The following ATRNL1 variants were observed in gnomAD, a reference collection of about 807,000 sequenced individuals.
ATRNL1 encodes the protein attractin like 1, also known as attractin-like protein 1.
ATRNL1 carries 95 observed loss-of-function variants against 182.7 expected under a neutral mutation model. That is an observed-to-expected ratio of 0.52 (90% confidence interval 0.44 to 0.62). The LOEUF is 0.62. Ranked by LOEUF, ATRNL1 falls within the 20% of genes least tolerant of loss-of-function variation. ATRNL1 has a pLI of 0.00. For synonymous variants in ATRNL1, 576 were observed against 568.3 expected, an observed-to-expected ratio of 1.01 and a Z score of -0.19; for missense variants, 1,471 against 1,679.5, an observed-to-expected ratio of 0.88 and a Z score of 2.17.
intron 26 of ATRNL1, among the ~76,000 whole-genome samples, chr10:115,554,369 CT>C (rs1429469791): frequency 1.3e-5 from 2 of 151,534 alleles, no homozygotes; most frequent in African/African-American, 4.8e-5. Context: ...CATAAATTTA[CT>C]TTAAAATAAC....
At chr10:115,108,988 G>A (rs1844142830) in intron 1 of ATRNL1, among the ~76,000 whole-genome samples, 2 of 152,012 alleles carry the variant, frequency 1.3e-5, no homozygotes, top group South Asian at 4.2e-4. Context: ...CCTCCTTTCT[G>A]TCTGAGATCT....
intron 21 of ATRNL1, among the ~76,000 whole-genome samples, chr10:115,445,140 ACTTGGCTG>A: frequency 6.6e-6 from 1 of 151,736 alleles, no homozygotes; most frequent in Non-Finnish European, 1.5e-5. Flanking sequence ...GCTTAAGAGC[ACTTGGCTG>A]CTGGGCAAAA....
chr10:115,775,722 C>G (rs1555077707), intron 27 of ATRNL1, among the ~76,000 whole-genome samples: 1 of 151,790 alleles, frequency 6.6e-6, no homozygotes, highest in African/African-American at 2.4e-5. Context: ...TTTGGGAGGC[C>G]AAGGCAGGCT....
intron 5 of ATRNL1, among the ~76,000 whole-genome samples, chr10:115,147,126 T>G (rs1268911211): frequency 6.6e-6 from 1 of 152,126 alleles, no homozygotes; most frequent in African/African-American, 2.4e-5. Flanking sequence ...TGTGTATCCT[T>G]GCCAGCATCT....
In ATRNL1 at chr10:115,334,263, T is replaced by A. The variant is rs1398562232; in HGVS notation, c.3038-19T>A. ...ATATTATGTTAGATATTTGTAATGC[T>A]TTTTACTGTTTCCTTTAGCTTGCCA... On this transcript the variant is annotated intron_variant, in intron 18 of 28. Transcript: ENST00000355044. 1 of 1,447,962 alleles carries A rather than the reference T, an allele frequency of 6.9e-7. No individual in the cohort carries two copies. Among genetic ancestry groups the A allele is most frequent in the African/African-American group, 1.4e-5 (1 of 71,464 alleles). The allele number at this position is 1,447,962 out of a possible 1,614,324, so 89.7% of individuals were successfully genotyped here. A position where few individuals can be genotyped will look rare whatever the true frequency, so the allele number is the denominator to read the frequency against.
In ATRNL1 at chr10:115,281,430, T is replaced by A; in HGVS notation, c.2176T>A (p.Ser726Thr). The A allele has an allele frequency of 1.2e-6, 2 of 1,613,644 alleles. No individual in the cohort carries two copies. The highest frequency in any genetic ancestry group is 1.7e-6 in the Non-Finnish European group (2 of 1,179,738). The change falls in exon 14 of 29, where the codon TCA becomes ACA. Residue 726 changes from serine (S) to threonine (T), a missense_variant. Ser to Thr is a moderately conservative substitution (Grantham distance 58). Coordinates refer to ENST00000355044, the MANE Select transcript of ATRNL1 (RefSeq NM_207303.4). ...CNKLTSCKSC[S>T]LNLNCQWDQR... is the part of the protein sequence containing the mutation. ...CAAACTTACCAGCTGTAAAAGCTGT[T>A]CACTAAACTTGAATTGCCAGTGGGA...
chr10:115,255,121 C>CT (rs1564854700), intron 10 of ATRNL1, among the ~76,000 whole-genome samples: 1 of 152,148 alleles, frequency 6.6e-6, no homozygotes, highest in South Asian at 2.1e-4. Flanking sequence ...AATGCGGACT[C>CT]TTTTTTGGTT....
chr10:115,524,327 G>A (rs1851101221), intron 25 of ATRNL1, among the ~76,000 whole-genome samples: 1 of 151,892 alleles, frequency 6.6e-6, no homozygotes, highest in African/African-American at 2.4e-5. Context: ...TTCATATATT[G>A]AACTAAAGGT....
chr10:115,879,681 T>G (rs1175664286), intron 28 of ATRNL1, among the ~76,000 whole-genome samples: 1 of 152,204 alleles, frequency 6.6e-6, no homozygotes, highest in Admixed American at 6.5e-5. Context: ...TTAGCTGCTT[T>G]AAATCCCCTT....
intron 26 of ATRNL1, among the ~76,000 whole-genome samples, chr10:115,649,108 A>G (rs530578111): frequency 6.6e-6 from 1 of 152,302 alleles, no homozygotes; most frequent in East Asian, 1.9e-4. Context: ...TTTGAGTGAC[A>G]TAAATTTTAA....
chr10:115,375,719 A>T (rs542712970), intron 19 of ATRNL1, among the ~76,000 whole-genome samples: 30 of 152,246 alleles, frequency 2.0e-4, no homozygotes, highest in Non-Finnish European at 3.4e-4. Flanking sequence ...AATCACCTAC[A>T]AAAACTATGC....
chr10:115,364,531 C>A (rs1219404647), intron 19 of ATRNL1, among the ~76,000 whole-genome samples: 2 of 147,792 alleles, frequency 1.4e-5, no homozygotes, highest in African/African-American at 2.5e-5. Flanking sequence ...TGCCTAATTG[C>A]CCTGGCCAGA....
chr10:115,145,877 C>T (rs1232135673), intron 5 of ATRNL1, among the ~76,000 whole-genome samples: 1 of 152,062 alleles, frequency 6.6e-6, no homozygotes, highest in Non-Finnish European at 1.5e-5. Context: ...TGAAAAAATC[C>T]AGGTACCTGT....
chr10:115,719,266 T>C (rs1565315895), intron 26 of ATRNL1, among the ~76,000 whole-genome samples: 1 of 152,176 alleles, frequency 6.6e-6, no homozygotes, highest in Non-Finnish European at 1.5e-5. Flanking sequence ...TGCTAATGCA[T>C]GAAGACATGT....
intron 9 of ATRNL1, among the ~76,000 whole-genome samples, chr10:115,234,576 C>G (rs1376245735): frequency 6.7e-6 from 1 of 149,328 alleles, no homozygotes; most frequent in Non-Finnish European, 1.5e-5. Context: ...TTGCTAGATT[C>G]GATTTTTTTC....
chr10:115,483,415 T>C (rs1233351223), intron 24 of ATRNL1, among the ~76,000 whole-genome samples: 1 of 151,530 alleles, frequency 6.6e-6, no homozygotes, highest in Non-Finnish European at 1.5e-5. Flanking sequence ...ATAGCAAATA[T>C]AGATTTTCAT....
chr10:115,431,545 A>T (rs1013162168), intron 21 of ATRNL1, among the ~76,000 whole-genome samples: 21 of 152,158 alleles, frequency 1.4e-4, no homozygotes, highest in African/African-American at 4.6e-4. Context: ...GGAAGGCATG[A>T]TAAATGTTAC....
chr10:115,543,754 C>T (rs376252796), intron 25 of ATRNL1, among the ~76,000 whole-genome samples: 1 of 151,624 alleles, frequency 6.6e-6, no homozygotes, highest in African/African-American at 2.4e-5. Flanking sequence ...TAATAAGTTC[C>T]ATTTTTTTAC....
intron 27 of ATRNL1, among the ~76,000 whole-genome samples, chr10:115,738,131 T>A: frequency 2.3e-5 from 1 of 44,122 alleles, no homozygotes; most frequent in South Asian, 1.1e-3. Flanking sequence ...TAATGATTTT[T>A]TTTTTTTTTT....
Sources: allele counts gnomAD v4.1 joint callset (sites outside exome capture counted in the v4.1 genomes callset), GRCh38; gene constraint gnomAD v4.1.1; transcripts MANE v1.5; gene names NCBI Gene and HGNC (gene_info 2026-07-23, HGNC 2026-07-21).